Variants in CLSTN2 observed in about 807,000 individuals in gnomAD.
CLSTN2 encodes calsyntenin-2.
CLSTN2 carries 48 observed loss-of-function variants against 101.2 expected under a neutral mutation model. That is an observed-to-expected ratio of 0.47 (90% CI 0.38 to 0.60). The LOEUF is 0.60. Ranked by LOEUF, CLSTN2 falls within the 20% of genes least tolerant of loss-of-function variation. The pLI is 0.00. For missense variants in CLSTN2, 1,160 were observed against 1,238.2 expected (o/e 0.94, Z 0.95); for synonymous variants, 481 against 463.6 (o/e 1.04, Z -0.48).
At chr3:140,162,734 C>T (rs372329244) in intron 1 of CLSTN2, among the ~76,000 whole-genome samples, 1 of 152,234 alleles carries the variant, frequency 6.6e-6, no homozygotes, top group East Asian at 1.9e-4. Context: ...AAATAACAAG[C>T]AAAATTGGCC....
chr3:140,123,571 A>G (rs761993553), intron 1 of CLSTN2, among the ~76,000 whole-genome samples: 1 of 152,100 alleles, frequency 6.6e-6, no homozygotes, highest in African/African-American at 2.4e-5. Flanking sequence ...TCACATTCTA[A>G]TGGGGTGTCT....
chr3:139,993,475 G>C (rs1936150702), intron 1 of CLSTN2, among the ~76,000 whole-genome samples: 1 of 152,132 alleles, frequency 6.6e-6, no homozygotes, highest in Non-Finnish European at 1.5e-5. Flanking sequence ...ACAATGGCTA[G>C]TGTCCAGCTA....
At chr3:140,340,361 T>TA (rs758025087) in intron 2 of CLSTN2, among the ~76,000 whole-genome samples, 5 of 152,212 alleles carry the variant, frequency 3.3e-5, no homozygotes, top group Non-Finnish European at 7.3e-5. Flanking sequence ...TGAAAAGGAT[T>TA]AAAAAACATA....
At chr3:140,121,145 C>A (rs1175228697) in intron 1 of CLSTN2, among the ~76,000 whole-genome samples, 2 of 152,134 alleles carry the variant, frequency 1.3e-5, no homozygotes, top group Non-Finnish European at 2.9e-5. Context: ...GATATTACCA[C>A]CCCTGCGCTA....
intron 2 of CLSTN2, among the ~76,000 whole-genome samples, chr3:140,357,241 T>A (rs2107946877): frequency 6.6e-6 from 1 of 152,316 alleles, no homozygotes; most frequent in East Asian, 1.9e-4. Flanking sequence ...ATATTACCAA[T>A]TATATTCATT....
At chr3:140,001,443 T>C (rs1183037797) in intron 1 of CLSTN2, among the ~76,000 whole-genome samples, 1 of 146,590 alleles carries the variant, frequency 6.8e-6, no homozygotes, top group Non-Finnish European at 1.5e-5. Context: ...CAGTTCTCCA[T>C]TTTTTTTTTA....
At chr3:140,190,039 G>A (rs1243205399) in intron 2 of CLSTN2, among the ~76,000 whole-genome samples, 1 of 152,172 alleles carries the variant, frequency 6.6e-6, no homozygotes, top group Non-Finnish European at 1.5e-5. Context: ...AGTCCTCACA[G>A]GGTAGAAAGG....
At chr3:140,420,193 C>T (rs992299814) in intron 4 of CLSTN2, among the ~76,000 whole-genome samples, 1 of 151,484 alleles carries the variant, frequency 6.6e-6, no homozygotes. Flanking sequence ...TGCACCCAGC[C>T]TATTTTGTTC....
intron 1 of CLSTN2, among the ~76,000 whole-genome samples, chr3:140,108,023 T>C (rs1343373354): frequency 1.3e-5 from 2 of 152,204 alleles, no homozygotes; most frequent in Non-Finnish European, 2.9e-5. Flanking sequence ...CAATGAGTGG[T>C]TGATAAGGGA....
At chr3:140,121,833 T>A (rs1039354037) in intron 1 of CLSTN2, among the ~76,000 whole-genome samples, 1 of 152,166 alleles carries the variant, frequency 6.6e-6, no homozygotes, top group Non-Finnish European at 1.5e-5. Context: ...AACCTCTGTC[T>A]TTCATAGGCT....
At chr3:140,173,065 A>G (rs578160715) in intron 1 of CLSTN2, among the ~76,000 whole-genome samples, 1 of 152,334 alleles carries the variant, frequency 6.6e-6, no homozygotes, top group South Asian at 2.1e-4. Context: ...CATTAATCAA[A>G]AGTCCACAGT....
chr3:140,522,294 A>G (rs1935047006), intron 8 of CLSTN2, among the ~76,000 whole-genome samples: 1 of 152,304 alleles, frequency 6.6e-6, no homozygotes, highest in Non-Finnish European at 1.5e-5. Flanking sequence ...CCTCTCTGTG[A>G]GTGCCACAGA....
intron 5 of CLSTN2, among the ~76,000 whole-genome samples, chr3:140,423,695 G>T (rs547835896): frequency 2.6e-5 from 4 of 151,716 alleles, no homozygotes; most frequent in Non-Finnish European, 5.9e-5. Flanking sequence ...TCCTGCCTTT[G>T]CTACATGCCC....
chr3:139,977,126 A>C (rs1342530753), intron 1 of CLSTN2, among the ~76,000 whole-genome samples: 1 of 152,188 alleles, frequency 6.6e-6, no homozygotes, highest in African/African-American at 2.4e-5. Context: ...GCAGGTGAGA[A>C]TATGAGTCAG....
chr3:140,435,366 G>T (rs151228540), intron 5 of CLSTN2, among the ~76,000 whole-genome samples: 10 of 152,292 alleles, frequency 6.6e-5, no homozygotes, highest in Admixed American at 1.3e-4. Context: ...ATGATCTCCA[G>T]TTCCATCCAT....
chr3:140,148,760 C>T (rs1379002954), intron 1 of CLSTN2, among the ~76,000 whole-genome samples: 1 of 152,098 alleles, frequency 6.6e-6, no homozygotes, highest in African/African-American at 2.4e-5. Context: ...GTCGATATGC[C>T]ATTAGAGCTG....
At chr3:140,448,146 G>A (rs1015713386) in intron 5 of CLSTN2, among the ~76,000 whole-genome samples, 15 of 152,280 alleles carry the variant, frequency 9.9e-5, no homozygotes, top group African/African-American at 2.9e-4. Flanking sequence ...AACTGCAGGC[G>A]TGGACGGGTG....
At chr3:139,983,635 T>A (rs1279287690) in intron 1 of CLSTN2, among the ~76,000 whole-genome samples, 1 of 152,152 alleles carries the variant, frequency 6.6e-6, no homozygotes, top group Non-Finnish European at 1.5e-5. Flanking sequence ...ATTAAATATT[T>A]AAATACCATT....
chr3:140,040,351 G>A (rs2007737989), intron 1 of CLSTN2, among the ~76,000 whole-genome samples: 1 of 152,152 alleles, frequency 6.6e-6, no homozygotes, highest in African/African-American at 2.4e-5. Flanking sequence ...GTGCTAATGT[G>A]CAAAGAAAGG....
Sources: gnomAD v4.1 joint callset for allele counts (sites outside exome capture counted in the v4.1 genomes callset) on GRCh38, gnomAD v4.1.1 for gene constraint, MANE v1.5 for transcripts, NCBI Gene and HGNC (gene_info 2026-07-23, HGNC 2026-07-21) for gene names.